Variants in IL1RAPL2 observed in about 807,000 individuals in gnomAD.
IL1RAPL2 encodes X-linked interleukin-1 receptor accessory protein-like 2.
A neutral mutation model predicts 44.1 loss-of-function variants in IL1RAPL2; 3 were observed. The observed-to-expected ratio is 0.07, with a 90% CI of 0.03 to 0.18. IL1RAPL2 has a LOEUF of 0.18. Among genes scored for constraint, IL1RAPL2 ranks in the 10% least tolerant of loss-of-function variants. The pLI is 1.00. For missense variants in IL1RAPL2, 391 were observed against 496.4 expected, an observed-to-expected ratio of 0.79 and a Z score of 2.02; for synonymous variants, 181 against 178.8, an observed-to-expected ratio of 1.01 and a Z score of -0.10.
chrX:105,634,840 AT>A (rs1031941901), intron 6 of IL1RAPL2, among the ~76,000 whole-genome samples: 1 of 111,468 alleles, frequency 9.0e-6, no homozygotes, highest in African/African-American at 3.3e-5. Context: ...TTTTGTAAGA[AT>A]TTTCTTATTT....
intron 2 of IL1RAPL2, among the ~76,000 whole-genome samples, chrX:105,046,350 A>G (rs907846419): frequency 9.0e-6 from 1 of 111,630 alleles, no homozygotes. Context: ...CTCTTACCCT[A>G]TCTTTCAATA....
intron 2 of IL1RAPL2, among the ~76,000 whole-genome samples, chrX:105,034,562 G>T (rs949212465): frequency 8.9e-6 from 1 of 111,990 alleles, no homozygotes; most frequent in Non-Finnish European, 1.9e-5. Flanking sequence ...AGCGGATATT[G>T]GTGAACTGCA....
At chrX:105,316,859 T>G (rs954518352) in intron 5 of IL1RAPL2, among the ~76,000 whole-genome samples, 1 of 111,608 alleles carries the variant, frequency 9.0e-6, no homozygotes, top group African/African-American at 3.3e-5. Flanking sequence ...GGGAACATTG[T>G]TTAAACATTC....
intron 1 of IL1RAPL2, among the ~76,000 whole-genome samples, chrX:104,616,430 C>T (rs1929280099): frequency 8.9e-6 from 1 of 111,987 alleles, no homozygotes; most frequent in Non-Finnish European, 1.9e-5. Context: ...CAATAACAGC[C>T]CTTTCCCAAA....
chrX:105,191,130 A>C (rs782101280), intron 2 of IL1RAPL2, among the ~76,000 whole-genome samples: 2 of 113,101 alleles, frequency 1.8e-5, no homozygotes, highest in African/African-American at 6.4e-5. Flanking sequence ...GAAAATGATT[A>C]AAATAGAGAT....
intron 2 of IL1RAPL2, among the ~76,000 whole-genome samples, chrX:104,741,768 A>G (rs1932104879): frequency 9.0e-6 from 1 of 111,164 alleles, no homozygotes; most frequent in Admixed American, 9.6e-5. Context: ...TAAGTTATTC[A>G]GTTATGAAAG....
intron 5 of IL1RAPL2, among the ~76,000 whole-genome samples, chrX:105,441,212 T>C (rs758138148): frequency 8.9e-6 from 1 of 111,848 alleles, no homozygotes; most frequent in Admixed American, 9.5e-5. Flanking sequence ...ATATATCAGA[T>C]TTAGGGTGAT....
At chrX:105,704,764 A>T (rs779580382) in intron 6 of IL1RAPL2, among the ~76,000 whole-genome samples, 1 of 110,749 alleles carries the variant, frequency 9.0e-6, no homozygotes, top group Non-Finnish European at 1.9e-5. Context: ...TATTTTTCCT[A>T]ATGTTCTCCC....
In IL1RAPL2 at chrX:104,641,345, A is replaced by AGCT. The variant is rs1411185255; in HGVS notation, c.-19-17543_-19-17541dup. 2.7e-5 allele frequency among the ~76,000 whole-genome samples: 3 copies of AGCT among 111,174 alleles called. No homozygotes were observed. In the Admixed American group the frequency reaches 2.8e-4, roughly 11 times the overall value. Reference sequence around the variant, plus strand: ...GGGAATGGCAAAACTAGTCTGGGTAAGCTGCTGCTTAGGCCCCCTAATGGT... The same window carrying AGCT: ...GGGAATGGCAAAACTAGTCTGGGTAAGCTGCTGCTGCTTAGGCCCCCTAATGGT... On this transcript the variant is annotated intron_variant, in intron 1 of 10. Coordinates refer to ENST00000372582, the MANE Select transcript of IL1RAPL2 (RefSeq NM_017416.2).
At chrX:105,478,591 G>T (rs1207032150) in intron 5 of IL1RAPL2, among the ~76,000 whole-genome samples, 5 of 110,831 alleles carry the variant, frequency 4.5e-5, no homozygotes, top group Non-Finnish European at 9.5e-5. Flanking sequence ...TTCAATGAGG[G>T]GGTCAAGATG....
intron 3 of IL1RAPL2, among the ~76,000 whole-genome samples, chrX:105,196,690 C>T (rs1156825105): frequency 9.0e-6 from 1 of 111,042 alleles, no homozygotes; most frequent in Non-Finnish European, 1.9e-5. Context: ...TGTTTTTTCC[C>T]TTAGGGATTC....
intron 5 of IL1RAPL2, among the ~76,000 whole-genome samples, chrX:105,309,376 A>C (rs1239884215): frequency 9.0e-6 from 1 of 110,678 alleles, no homozygotes; most frequent in African/African-American, 3.3e-5. Context: ...ATAACTAGTA[A>C]TATTAAATGT....
At chrX:104,748,309 G>A (rs1160005812) in intron 2 of IL1RAPL2, among the ~76,000 whole-genome samples, 1 of 111,771 alleles carries the variant, frequency 8.9e-6, no homozygotes. Context: ...AATTCAGAGA[G>A]CCTTGGATTT....
intron 6 of IL1RAPL2, among the ~76,000 whole-genome samples, chrX:105,622,761 A>G (rs1346299011): frequency 9.0e-6 from 1 of 111,416 alleles, no homozygotes; most frequent in Non-Finnish European, 1.9e-5. Context: ...AACCATCGCT[A>G]ATGTATTTAC....
chrX:105,217,121 A>C, intron 3 of IL1RAPL2, among the ~76,000 whole-genome samples: 1 of 107,859 alleles, frequency 9.3e-6, no homozygotes, highest in East Asian at 2.9e-4. Flanking sequence ...ATTAAACTAA[A>C]GAGCTTCTGC....
In IL1RAPL2 at chrX:105,491,982, C is replaced by T. The variant is rs1399817895; in HGVS notation, c.772+7595C>T. Among the ~76,000 whole-genome samples the T allele has an allele frequency of 3.6e-5, 4 of 111,917 alleles. No homozygotes were observed. In the East Asian group the frequency reaches 1.1e-3, roughly 31 times the overall value. ...ATTGTTAACCAGTCCTCTATGCATA[C>T]ATTGGTGTTTGGGGGCATTGCTTAG... On this transcript the variant is annotated intron_variant, in intron 6 of 10. Coordinates refer to ENST00000372582, the MANE Select transcript of IL1RAPL2 (RefSeq NM_017416.2).
chrX:105,037,714 C>T (rs932827945), intron 2 of IL1RAPL2, among the ~76,000 whole-genome samples: 1 of 111,747 alleles, frequency 8.9e-6, no homozygotes. Flanking sequence ...TTTATTGAAA[C>T]ATTCTCAATG....
intron 2 of IL1RAPL2, among the ~76,000 whole-genome samples, chrX:104,824,660 T>C (rs970637832): frequency 1.8e-5 from 2 of 112,093 alleles, no homozygotes; most frequent in Non-Finnish European, 3.8e-5. Flanking sequence ...CTAGATTTTC[T>C]AGTTTATTTG....
intron 2 of IL1RAPL2, among the ~76,000 whole-genome samples, chrX:105,178,582 T>C (rs1032877836): frequency 6.3e-5 from 7 of 111,968 alleles, no homozygotes; most frequent in Non-Finnish European, 1.1e-4. Context: ...CTGTTTTCCA[T>C]AATGGCTGTA....
Sources: allele counts gnomAD v4.1 joint callset (sites outside exome capture counted in the v4.1 genomes callset), GRCh38; gene constraint gnomAD v4.1.1; transcripts MANE v1.5; gene names NCBI Gene and HGNC (gene_info 2026-07-23, HGNC 2026-07-21).